DNAH2: variants seen among roughly 807,000 people sequenced by gnomAD.
The protein encoded by DNAH2 is axonemal beta dynein heavy chain 2.
A neutral mutation model predicts 523.5 loss-of-function variants in DNAH2; 323 were observed. That is an observed-to-expected ratio of 0.62 (90% CI 0.56 to 0.68). DNAH2 has a LOEUF of 0.68. Among genes scored for constraint, DNAH2 ranks in the 30% least tolerant of loss-of-function variants. The probability of loss-of-function intolerance (pLI) is 0.00; values close to 1 mark genes in which losing one functional copy is unlikely to be tolerated. For missense variants in DNAH2, 4,907 were observed against 5,701.5 expected, an observed-to-expected ratio of 0.86 and a Z score of 4.49; for synonymous variants, 2,093 against 2,177.4, an observed-to-expected ratio of 0.96 and a Z score of 1.08.
chr17:7,742,845 C>T (rs995117988), intron 11 of DNAH2, 83 bp from the exon 12 acceptor site: 25 of 999,204 alleles, frequency 2.5e-5, no homozygotes, highest in African/African-American at 1.5e-4. Context: ...TGCGCATGCG[C>T]GCATGTGTAG....
intron 2 of DNAH2, among the ~76,000 whole-genome samples, chr17:7,720,462 G>A (rs2074567859): frequency 6.6e-6 from 1 of 152,160 alleles, no homozygotes; most frequent in Non-Finnish European, 1.5e-5. Context: ...GATCTAGGGA[G>A]GAAAGAGTTT....
chr17:7,796,783 C>A, intron 50 of DNAH2, 131 bp downstream of exon 50: 1 of 1,047,350 alleles, frequency 9.5e-7, no homozygotes, highest in Non-Finnish European at 1.3e-6. Flanking sequence ...TGCCACACTC[C>A]CTGGCCTTAC....
rs2074778732 is a variant in DNAH2 at position 7,725,566 on chromosome 17, GGGATTACA to G, written c.229-1553_229-1546del. 2.6e-5 allele frequency among the ~76,000 whole-genome samples: 4 copies of G among 151,516 alleles called. No individual in the cohort carries two copies. In the South Asian group the frequency reaches 8.3e-4, roughly 32 times the overall value. On this transcript the variant is annotated intron_variant, in intron 3 of 85. Coordinates refer to ENST00000572933, the MANE Select transcript of DNAH2 (RefSeq NM_020877.5). ...TCCTGCCTCAGCCTCCCGAGTAGCT[GGGATTACA>G]GGTGCATGCCACCATGCCCGGCTGA...
chr17:7,813,322 C>T (rs2077571889), intron 63 of DNAH2, among the ~76,000 whole-genome samples: 1 of 151,740 alleles, frequency 6.6e-6, no homozygotes, highest in African/African-American at 2.4e-5. Context: ...AACTTCTGGC[C>T]TCAAGCAATC....
intron 42 of DNAH2, chr17:7,787,255 C>T (rs1321834091): frequency 4.7e-6 from 3 of 639,254 alleles, no homozygotes; most frequent in Non-Finnish European, 8.0e-6. Context: ...CTGTTGTAAG[C>T]ACTGTGTAGG....
rs146501213 is a variant in DNAH2, at chr17:7,801,468, G to C, written c.8700-110G>C. On this transcript the variant is annotated intron_variant, in intron 56 of 85. Transcript: ENST00000572933. Reference sequence around the variant, plus strand: ...TGGACAAGGAGATACAGGAGCAAGGGGATGGGGCATTTTAGGTTCTTAGAA... The same window carrying C: ...TGGACAAGGAGATACAGGAGCAAGGCGATGGGGCATTTTAGGTTCTTAGAA... 5.6e-5 allele frequency: 83 copies of C among 1,478,962 alleles called. No homozygotes were observed. The African/African-American group carries it at 9.8e-4, about 17-fold the overall frequency. 91.6% of individuals were successfully genotyped at this position (1,478,962 alleles called of 1,614,324 possible). A position where few individuals can be genotyped will look rare whatever the true frequency, so the allele number is the denominator to read the frequency against.
intron 68 of DNAH2, 107 bp downstream of exon 68, chr17:7,818,203 C>A: frequency 6.3e-7 from 1 of 1,595,542 alleles, no homozygotes; most frequent in Non-Finnish European, 8.5e-7. Context: ...ACAGCCCTGG[C>A]CTGGGGCCTT....
At chr17:7,718,891 G>A (rs3744259) in intron 1 of DNAH2, 92 bp downstream of exon 1, 40,269 of 152,522 alleles carry the variant, frequency 0.26, 6,330 homozygotes, top group East Asian at 0.38. Flanking sequence ...GAGGAAAAGA[G>A]GTACATAGGA....
At chr17:7,740,068 G>GC (rs952326581) in intron 9 of DNAH2, 130 bp downstream of exon 9, 33 of 775,358 alleles carry the variant, frequency 4.3e-5, no homozygotes, top group East Asian at 8.9e-5. Flanking sequence ...CGGTGGCCCG[G>GC]GGGGGGGGAC....
intron 11 of DNAH2, among the ~76,000 whole-genome samples, chr17:7,741,507 G>A (rs2075350748): frequency 6.6e-6 from 1 of 150,890 alleles, no homozygotes; most frequent in Admixed American, 6.6e-5. Context: ...ACAGGTGCCC[G>A]CCACCGCACC....
chr17:7,717,916 G>A lies in DNAH2; in HGVS notation c.-898G>A, dbSNP rs2074467528. 1 of 151,798 alleles carries A rather than the reference G, an allele frequency of 6.6e-6. No individual in the cohort carries two copies. The highest frequency in any genetic ancestry group is 2.1e-4 in the South Asian group (1 of 4,786). 9.4% of individuals were successfully genotyped at this position (151,798 alleles called of 1,614,324 possible). On this transcript the variant is annotated 5_prime_UTR_variant, in exon 1 of 86. Coordinates refer to ENST00000572933, the MANE Select transcript of DNAH2 (RefSeq NM_020877.5). ...TCGGGGTAGGAAGGGACAGTTGTTG[G>A]GGAGAAGAGGCAGTTGTGGAGGGAG... is the stretch of plus-strand genomic sequence containing the variant.
intron 12 of DNAH2, among the ~76,000 whole-genome samples, chr17:7,750,875 G>A (rs1408417190): frequency 6.6e-6 from 1 of 152,016 alleles, no homozygotes; most frequent in Admixed American, 6.6e-5. Context: ...AATAAAGACG[G>A]TAAAAACACA....
chr17:7,761,082 A>T (rs2075992329), intron 18 of DNAH2, 150 bp downstream of exon 18: 1 of 1,007,226 alleles, frequency 9.9e-7, no homozygotes, highest in Non-Finnish European at 1.4e-6. Flanking sequence ...AGGACATTGG[A>T]CCTTTGCTTC....
chr17:7,816,567 C>T lies in DNAH2; in HGVS notation c.9730-4C>T, dbSNP rs1210261617. 5.0e-6 allele frequency: 8 copies of T among 1,614,132 alleles called. No homozygotes were observed. In the Admixed American group the frequency reaches 1.3e-4, roughly 27 times the overall value. On this transcript the variant is annotated splice_polypyrimidine_tract_variant and splice_region_variant and intron_variant, in intron 63 of 85. Coordinates refer to ENST00000572933, the MANE Select transcript of DNAH2 (RefSeq NM_020877.5). ...TTGATGCGCTATACTCGAATCTCTC[C>T]CAGGTAGCTGAGAAACTGGAGATGC...
At chr17:7,747,469 G>T (rs376713925) in intron 12 of DNAH2, among the ~76,000 whole-genome samples, 1 of 152,134 alleles carries the variant, frequency 6.6e-6, no homozygotes, top group Non-Finnish European at 1.5e-5. Flanking sequence ...CGTGCTGGTG[G>T]ATTTCAACTG....
chr17:7,740,716 T>TC, intron 10 of DNAH2, 94 bp from the exon 11 acceptor site: 1 of 1,538,712 alleles, frequency 6.5e-7, no homozygotes, highest in Non-Finnish European at 8.8e-7. Context: ...GGAGTGTGAC[T>TC]CCCGCAGCGG....
chr17:7,770,187 G>A (rs1006906235), intron 24 of DNAH2, 65 bp from the exon 25 acceptor site: 3 of 1,513,658 alleles, frequency 2.0e-6, no homozygotes, highest in African/African-American at 1.4e-5. Context: ...TAGTGTCCCA[G>A]TGGGAGACAG....
intron 29 of DNAH2, 42 bp from the exon 30 acceptor site, chr17:7,775,199 G>T: frequency 6.3e-7 from 1 of 1,591,474 alleles, no homozygotes. Flanking sequence ...CGGACACCAA[G>T]GGTGGGCAGG....
chr17:7,787,997 G>A lies in DNAH2; in HGVS notation c.6741G>A (p.Lys2247=), dbSNP rs969206817. The A allele has an allele frequency of 3.1e-6, 5 of 1,614,018 alleles. No individual in the cohort carries two copies. In the African/African-American group the frequency reaches 5.3e-5, roughly 17 times the overall value. Residue 2247 remains lysine (K), a splice_region_variant and synonymous_variant, in exon 43 of 86, where the codon AAG becomes AAA. Transcript: ENST00000572933. ...AGTCATGGCTGGAGAAGAGGCCAAA[G>A]GTATGAAGGGAACTGAGGAGAGGGA... ...YVQSWLEKRP[K]AEVEPLQRMF...
Sources: gnomAD v4.1 joint callset for allele counts (sites outside exome capture counted in the v4.1 genomes callset) on GRCh38, gnomAD v4.1.1 for gene constraint, MANE v1.5 for transcripts, NCBI Gene and HGNC (gene_info 2026-07-23, HGNC 2026-07-21) for gene names.